LDAH: variants seen among roughly 807,000 people sequenced by gnomAD.
LDAH encodes the protein lipid droplet-associated hydrolase.
In LDAH, 26 loss-of-function variants were observed where a neutral mutation model predicts 29.6. The observed-to-expected ratio is 0.88, with a 90% confidence interval of 0.64 to 1.22. LDAH has a LOEUF of 1.22. LDAH is among the 50% of genes most tolerant of loss of function. LDAH has a pLI of 0.00. For synonymous variants in LDAH, 117 were observed against 133.0 expected, an observed-to-expected ratio of 0.88 and a Z score of 0.83; for missense variants, 344 against 387.3, an observed-to-expected ratio of 0.89 and a Z score of 0.94.
At chr2:20,737,865 T>C (rs918868433) in intron 5 of LDAH, among the ~76,000 whole-genome samples, 4 of 152,166 alleles carry the variant, frequency 2.6e-5, no homozygotes, top group African/African-American at 7.2e-5. Context: ...AACAAATTAA[T>C]AATGTTTACT....
At chr2:20,802,979 C>T (rs1249606815) in intron 1 of LDAH, among the ~76,000 whole-genome samples, 1 of 152,156 alleles carries the variant, frequency 6.6e-6, no homozygotes, top group African/African-American at 2.4e-5. Context: ...ATATTTTACC[C>T]CTCCACTGTT....
intron 4 of LDAH, among the ~76,000 whole-genome samples, chr2:20,747,186 C>T (rs771532752): frequency 3.9e-5 from 6 of 152,156 alleles, no homozygotes; most frequent in Middle Eastern, 3.4e-3. Flanking sequence ...AAGACTTCAC[C>T]TGTTTATATA....
intron 5 of LDAH, among the ~76,000 whole-genome samples, chr2:20,720,912 T>G (rs548390265): frequency 1.3e-5 from 2 of 152,088 alleles, no homozygotes; most frequent in African/African-American, 4.8e-5. Flanking sequence ...TAAACATTAT[T>G]GAAACTAGAT....
chr2:20,809,822 T>C (rs1672351711), intron 1 of LDAH, among the ~76,000 whole-genome samples: 2 of 152,190 alleles, frequency 1.3e-5, no homozygotes, highest in Non-Finnish European at 2.9e-5. Flanking sequence ...TTGCTGGATA[T>C]GTATAGGCCA....
intron 5 of LDAH, among the ~76,000 whole-genome samples, chr2:20,735,190 C>T (rs1249089367): frequency 6.6e-6 from 1 of 152,122 alleles, no homozygotes; most frequent in Non-Finnish European, 1.5e-5. Context: ...GAGTTTTTGA[C>T]CATTATTTCT....
chr2:20,701,853 C>A (rs185419907), intron 5 of LDAH, among the ~76,000 whole-genome samples: 38 of 152,312 alleles, frequency 2.5e-4, no homozygotes, highest in South Asian at 1.2e-3. Flanking sequence ...TTTAAAAGAA[C>A]CTTCTTCCAA....
At chr2:20,801,543 A>T in intron 1 of LDAH, 78 bp from the exon 2 acceptor site, 1 of 1,272,036 alleles carries the variant, frequency 7.9e-7, no homozygotes, top group Non-Finnish European at 1.1e-6. Context: ...TCAAGAATAA[A>T]AAAGGGCAAG....
At chr2:20,759,214 T>C (rs1668524104) in intron 4 of LDAH, among the ~76,000 whole-genome samples, 1 of 152,222 alleles carries the variant, frequency 6.6e-6, no homozygotes, top group Non-Finnish European at 1.5e-5. Context: ...GCATGCTCCC[T>C]CTGGTCTCTA....
At chr2:20,782,929 T>C (rs1008321734) in intron 3 of LDAH, among the ~76,000 whole-genome samples, 1 of 152,184 alleles carries the variant, frequency 6.6e-6, no homozygotes, top group South Asian at 2.1e-4. Context: ...CTTTATATCT[T>C]CCTTCTTCTC....
At chr2:20,719,570 T>C (rs1354804615) in intron 5 of LDAH, among the ~76,000 whole-genome samples, 2 of 152,106 alleles carry the variant, frequency 1.3e-5, no homozygotes, top group African/African-American at 4.8e-5. Flanking sequence ...CTAATACCAA[T>C]TCTACTCAAA....
chr2:20,780,845 A>G (rs934218014), intron 3 of LDAH, among the ~76,000 whole-genome samples: 5 of 152,050 alleles, frequency 3.3e-5, no homozygotes, highest in Admixed American at 2.6e-4. Context: ...GTGAGCCCTG[A>G]GAGTTGATTG....
intron 4 of LDAH, among the ~76,000 whole-genome samples, chr2:20,749,302 C>T (rs1419301783): frequency 6.6e-6 from 1 of 152,180 alleles, no homozygotes; most frequent in East Asian, 1.9e-4. Context: ...TCTTGACAAA[C>T]ACTGAGTACA....
rs149975700 is a variant in LDAH at position 20,706,138 on chromosome 2, C to T, written c.704-4486G>A. On this transcript the variant is annotated intron_variant, in intron 5 of 6. Coordinates refer to ENST00000237822, the MANE Select transcript of LDAH (RefSeq NM_021925.4). Reference sequence around the variant, plus strand: ...TTCTTTCTAGAGCTACAAATAAGGCCGACCTTACAGAGCTAAGAAATGGAT... The same window carrying T: ...TTCTTTCTAGAGCTACAAATAAGGCTGACCTTACAGAGCTAAGAAATGGAT... 9.9e-3 allele frequency among the ~76,000 whole-genome samples: 1,498 copies of T among 152,070 alleles called. 33 individuals carry two copies. The highest frequency in any genetic ancestry group is 0.034 in the African/African-American group (1,424 of 41,462).
At chr2:20,781,382 A>C (rs548206856) in intron 3 of LDAH, among the ~76,000 whole-genome samples, 2 of 152,340 alleles carry the variant, frequency 1.3e-5, no homozygotes, top group East Asian at 3.9e-4. Flanking sequence ...ATATGAAGGA[A>C]AACATACTTT....
At chr2:20,699,884 C>T (rs1457950878) in intron 6 of LDAH, among the ~76,000 whole-genome samples, 1 of 152,180 alleles carries the variant, frequency 6.6e-6, no homozygotes, top group African/African-American at 2.4e-5. Flanking sequence ...AATAAGTTAG[C>T]ACCTTTCTTT....
chr2:20,725,150 C>T (rs1250119534), intron 5 of LDAH, among the ~76,000 whole-genome samples: 1 of 152,138 alleles, frequency 6.6e-6, no homozygotes. Context: ...AAGGAAAAAT[C>T]ACTTTCTTAA....
intron 4 of LDAH, among the ~76,000 whole-genome samples, chr2:20,768,512 T>G (rs1264425754): frequency 6.6e-6 from 1 of 151,698 alleles, no homozygotes; most frequent in Non-Finnish European, 1.5e-5. Context: ...CTGGACCCCA[T>G]ACTCGCTCAC....
rs1245270235 is a variant in LDAH at position 20,770,268 on chromosome 2, C to T, written c.468+4542G>A. 2.6e-5 allele frequency among the ~76,000 whole-genome samples: 4 copies of T among 152,024 alleles called. No homozygotes were observed. In the East Asian group the frequency reaches 5.8e-4, roughly 22 times the overall value. On this transcript the variant is annotated intron_variant, in intron 4 of 6. Coordinates refer to ENST00000237822, the MANE Select transcript of LDAH (RefSeq NM_021925.4). ...TTCATTCAGAGAGAAGACATTTTTG[C>T]TAACCAGAAGACAAAGGAAACTCTG...
At chr2:20,683,562 G>A (rs1363372737), downstream of LDAH, among the ~76,000 whole-genome samples, 1 of 152,202 alleles carries the variant, frequency 6.6e-6, no homozygotes, top group African/African-American at 2.4e-5. Flanking sequence ...AGAACATCCT[G>A]GGCTGTGTGC....
Sources: gnomAD v4.1 joint callset for allele counts (sites outside exome capture counted in the v4.1 genomes callset) on GRCh38, gnomAD v4.1.1 for gene constraint, MANE v1.5 for transcripts, NCBI Gene and HGNC (gene_info 2026-07-23, HGNC 2026-07-21) for gene names.